RAB38: variants seen among roughly 807,000 people sequenced by gnomAD.
The protein encoded by RAB38 is RAB38, member RAS oncogene family, also known as ras-related protein Rab-38.
RAB38 carries 15 observed loss-of-function variants against 18.4 expected under a neutral mutation model. That is an observed-to-expected ratio of 0.82 (90% confidence interval 0.55 to 1.26). The LOEUF (loss-of-function observed/expected upper bound fraction) is 1.26, where lower values mean the gene tolerates loss of function less well. Ranked by LOEUF, RAB38 falls within the 50% of genes most tolerant of loss-of-function variation. RAB38 has a pLI of 0.00. For synonymous variants in RAB38, 101 were observed against 104.4 expected, an observed-to-expected ratio of 0.97 and a Z score of 0.20; for missense variants, 294 against 267.4, an observed-to-expected ratio of 1.10 and a Z score of -0.69.
At chr11:87,916,747 G>A in the RAB38 span, among the ~76,000 whole-genome samples, 1 of 152,036 alleles carries the variant, frequency 6.6e-6, no homozygotes, top group Admixed American at 6.6e-5. Flanking sequence ...TGGGTTTCTT[G>A]TAGGCAATGT....
the RAB38 span, among the ~76,000 whole-genome samples, chr11:88,036,469 T>G: frequency 6.6e-6 from 1 of 152,158 alleles, no homozygotes; most frequent in African/African-American, 2.4e-5. Flanking sequence ...CTATTCCATA[T>G]TTACCCTTTC....
chr11:88,157,493 A>T (rs1203059113), intron 1 of RAB38, among the ~76,000 whole-genome samples: 1 of 152,214 alleles, frequency 6.6e-6, no homozygotes, highest in Non-Finnish European at 1.5e-5. Flanking sequence ...TACTGATTGG[A>T]CCTAACAGAC....
the RAB38 span, among the ~76,000 whole-genome samples, chr11:87,951,048 C>T: frequency 2.6e-5 from 4 of 152,212 alleles, no homozygotes; most frequent in Non-Finnish European, 5.9e-5. Flanking sequence ...TTGGTCTTTT[C>T]ATATAGTCCA....
At chr11:87,919,500 G>A in the RAB38 span, among the ~76,000 whole-genome samples, 4 of 151,640 alleles carry the variant, frequency 2.6e-5, no homozygotes, top group Non-Finnish European at 4.4e-5. Context: ...AATTTGGTTT[G>A]CTATTATTTT....
At chr11:88,110,861 A>C (rs776365770), downstream of RAB38, among the ~76,000 whole-genome samples, 3 of 151,880 alleles carry the variant, frequency 2.0e-5, no homozygotes, top group Non-Finnish European at 4.4e-5. Context: ...TGTTTAGGCC[A>C]GGTGTCTGGT....
chr11:87,831,517 T>C, the RAB38 span, among the ~76,000 whole-genome samples: 1 of 152,116 alleles, frequency 6.6e-6, no homozygotes, highest in African/African-American at 2.4e-5. Flanking sequence ...GGCATGGCAT[T>C]GTTTAGATAG....
the RAB38 span, among the ~76,000 whole-genome samples, chr11:88,028,630 C>T: frequency 5.3e-5 from 8 of 151,708 alleles, no homozygotes; most frequent in South Asian, 4.2e-4. Context: ...AGGGTATCAC[C>T]GATGGAAGAT....
At chr11:88,025,208 T>G in the RAB38 span, among the ~76,000 whole-genome samples, 1 of 148,658 alleles carries the variant, frequency 6.7e-6, no homozygotes, top group South Asian at 2.1e-4. Flanking sequence ...ATATTATAAT[T>G]ATATTGTGTA....
chr11:88,094,826 T>C, the RAB38 span, among the ~76,000 whole-genome samples: 2 of 151,978 alleles, frequency 1.3e-5, no homozygotes, highest in African/African-American at 4.8e-5. Context: ...TATTTCTTTA[T>C]GTATATTTCA....
At chr11:87,909,126 A>G in the RAB38 span, among the ~76,000 whole-genome samples, 46,233 of 151,776 alleles carry the variant, frequency 0.3, 8,939 homozygotes, top group African/African-American at 0.56. Context: ...TAGTATCTCA[A>G]ATTCCTGAAA....
chr11:87,976,748 A>C, the RAB38 span, among the ~76,000 whole-genome samples: 1 of 118,748 alleles, frequency 8.4e-6, no homozygotes, highest in South Asian at 2.4e-4. Context: ...ATATTTATAT[A>C]TTTATATATA....
chr11:87,820,992 G>A, the RAB38 span, among the ~76,000 whole-genome samples: 3 of 152,148 alleles, frequency 2.0e-5, no homozygotes, highest in East Asian at 5.8e-4. Context: ...AGGATACATG[G>A]ATGTTGGAGT....
At chr11:88,111,991 T>C (rs1430692394), downstream of RAB38, among the ~76,000 whole-genome samples, 1 of 152,218 alleles carries the variant, frequency 6.6e-6, no homozygotes, top group Non-Finnish European at 1.5e-5. Flanking sequence ...TTTATAAGCT[T>C]CAAGGAGCCA....
intron 2 of RAB38, among the ~76,000 whole-genome samples, chr11:88,139,346 C>T (rs958863823): frequency 1.3e-5 from 2 of 152,140 alleles, no homozygotes; most frequent in African/African-American, 4.8e-5. Context: ...TTATTCTTGG[C>T]AACCCAGATT....
At position 88,175,238 on chromosome 11, in the gene RAB38, C is replaced by T. The variant is rs1943371512; in HGVS notation, c.147G>A (p.Lys49=). 1 of 1,613,976 alleles carries T rather than the reference C, an allele frequency of 6.2e-7. No individual in the cohort carries two copies. The highest frequency in any genetic ancestry group is 8.5e-7 in the Non-Finnish European group (1 of 1,180,020). Reference sequence around the variant, plus strand: ...CAGTCTCCGGGTCCCAGTGGAGCACCTTGAGCGCGAAGTCCACGCCGATTG... The same window carrying T: ...CAGTCTCCGGGTCCCAGTGGAGCACTTTGAGCGCGAAGTCCACGCCGATTG... The part of the protein sequence containing the change: ...RATIGVDFAL[K]VLHWDPETVV... Residue 49 remains lysine, a synonymous_variant, in exon 1 of 3, where the codon AAG becomes AAA. Coordinates refer to ENST00000243662, the MANE Select transcript of RAB38 (RefSeq NM_022337.3).
the RAB38 span, among the ~76,000 whole-genome samples, chr11:88,107,197 T>C: frequency 6.6e-6 from 1 of 152,174 alleles, no homozygotes; most frequent in Non-Finnish European, 1.5e-5. Context: ...TTTAGTATAT[T>C]CATGTTGTGT....
At chr11:87,857,815 C>T in the RAB38 span, among the ~76,000 whole-genome samples, 1 of 151,994 alleles carries the variant, frequency 6.6e-6, no homozygotes, top group East Asian at 1.9e-4. Context: ...CTGTAGGTTG[C>T]CTGTTCACTC....
chr11:87,898,083 A>G, the RAB38 span, among the ~76,000 whole-genome samples: 3 of 151,720 alleles, frequency 2.0e-5, no homozygotes, highest in Non-Finnish European at 3.0e-5. Flanking sequence ...AAATATCCCA[A>G]CTCTTCAGGT....
chr11:88,036,611 ATAT>A, the RAB38 span, among the ~76,000 whole-genome samples: 1 of 152,102 alleles, frequency 6.6e-6, no homozygotes, highest in African/African-American at 2.4e-5. Context: ...TACCTTCAAA[ATAT>A]TATTTTCTCA....
Sources: allele counts gnomAD v4.1 joint callset (sites outside exome capture counted in the v4.1 genomes callset), GRCh38; gene constraint gnomAD v4.1.1; transcripts MANE v1.5; gene names NCBI Gene and HGNC (gene_info 2026-07-23, HGNC 2026-07-21).